The following NUMA1 variants were observed in gnomAD, a reference collection of about 807,000 sequenced individuals.
NUMA1 encodes the protein SP-H antigen.
A neutral mutation model predicts 237.1 loss-of-function variants in NUMA1; 62 were observed. The observed-to-expected ratio is 0.26, with a 90% confidence interval of 0.21 to 0.32. The LOEUF (loss-of-function observed/expected upper bound fraction) is 0.32. Among genes scored for constraint, NUMA1 ranks in the 10% least tolerant of loss-of-function variants. NUMA1 has a pLI of 1.00. For synonymous variants in NUMA1, 1,028 were observed against 1,066.1 expected, an observed-to-expected ratio of 0.96 and a Z score of 0.70; for missense variants, 2,533 against 2,666.5, an observed-to-expected ratio of 0.95 and a Z score of 1.10.
In NUMA1 at chr11:72,007,418, T is replaced by C; in HGVS notation, c.5234A>G (p.Gln1745Arg). The stretch of plus-strand genomic sequence containing the variant: ...TCCAGGGACGCTGGTGCCGTCTGGC[T>C]GGGTACGAGGCAGCTTGCTATGGAA... ...LSITSKLPRT[Q>R]PDGTSVPGEP... Residue 1745 changes from glutamine to arginine, a missense_variant, in exon 21 of 27, where the codon CAG becomes CGG. By Grantham distance (43) the Gln-to-Arg change is conservative. Around this residue, in one of 3 missense-constraint regions of NUMA1, gnomAD observed 795 missense variants for 750.8 expected, o/e 1.06. Coordinates refer to ENST00000393695, the MANE Select transcript of NUMA1 (RefSeq NM_006185.4). 2 of 1,613,640 alleles carry C rather than the reference T, an allele frequency of 1.2e-6. No individual in the cohort carries two copies. The highest frequency in any genetic ancestry group is 2.2e-5 in the South Asian group (2 of 91,078).
At chr11:72,049,583 A>AGT (rs1555034475) in intron 2 of NUMA1, 26 of 22,556 alleles carry the variant, frequency 1.2e-3, no homozygotes, top group African/African-American at 2.5e-3. Flanking sequence ...ATATATATAT[A>AGT]GTGTGTGTGT....
At chr11:72,007,133 G>A (rs1034757128) in intron 21 of NUMA1, 56 bp downstream of exon 21, 1 of 1,589,524 alleles carries the variant, frequency 6.3e-7, no homozygotes, top group Non-Finnish European at 8.5e-7. Flanking sequence ...GTGCAAAGAT[G>A]CCCTTGAGAG....
chr11:72,018,982 TGA>T lies in NUMA1; in HGVS notation c.585-4_585-3del. The stretch of plus-strand genomic sequence containing the variant: ...GAAGCTGGAGAACCTGAGAGAAAGC[TGA>T]GGAGGGAGAAGGCCCATATGCATTG... On this transcript the variant is annotated splice_region_variant and splice_polypyrimidine_tract_variant and intron_variant, in intron 9 of 26. Transcript: ENST00000393695. 1 of 1,613,636 alleles carries T rather than the reference TGA, an allele frequency of 6.2e-7. No individual in the cohort carries two copies. The highest frequency in any genetic ancestry group is 1.7e-4 in the Middle Eastern group (1 of 6,054).
chr11:72,012,206 G>C, intron 16 of NUMA1, 195 bp downstream of exon 16: 1 of 573,170 alleles, frequency 1.7e-6, no homozygotes, highest in South Asian at 2.4e-5. Context: ...GACCTGGGAT[G>C]GGTGGGATGA....
intron 17 of NUMA1, 94 bp downstream of exon 17, chr11:72,010,692 C>A: frequency 2.4e-6 from 3 of 1,269,318 alleles, no homozygotes; most frequent in Admixed American, 1.9e-5. Flanking sequence ...CAGGGTGCCC[C>A]TCTTCTGCCC....
intron 6 of NUMA1, among the ~76,000 whole-genome samples, chr11:72,022,701 C>CTA (rs1367288916): frequency 6.6e-6 from 1 of 151,642 alleles, no homozygotes; most frequent in East Asian, 1.9e-4. Flanking sequence ...TAGGTACCCT[C>CTA]TATAGGCCAG....
chr11:72,023,181 C>A (rs552650055), intron 5 of NUMA1, 34 bp from the exon 6 acceptor site: 2 of 1,490,838 alleles, frequency 1.3e-6, no homozygotes, highest in African/African-American at 1.4e-5. Flanking sequence ...ACAGGGTGAA[C>A]TTCCTGGAAA....
rs1443187757 is a variant in NUMA1, at chr11:72,013,259, T to A, written c.4244A>T (p.Lys1415Met). 3 of 1,605,114 alleles carry A rather than the reference T, an allele frequency of 1.9e-6. No homozygotes were observed. The change falls in exon 15 of 27, where the codon AAG becomes ATG. Residue 1415 changes from lysine to methionine, a missense_variant. Coordinates refer to ENST00000393695, the MANE Select transcript of NUMA1 (RefSeq NM_006185.4). The surrounding 1 kb of genome is among the most constrained non-coding windows in gnomAD (Gnocchi z 6.8). ...AGCTGTTCGCTCCTGCTCTGCCACCTTCTGCCGCAGAGGAATCAGCTCCCC... is the reference window on the plus strand; with the variant it reads ...AGCTGTTCGCTCCTGCTCTGCCACCATCTGCCGCAGAGGAATCAGCTCCCC... ...ELGELIPLRQKVAEQERTAQQ... is the reference protein window; with the variant it reads ...ELGELIPLRQMVAEQERTAQQ...
chr11:72,052,369 G>T (rs943107073), intron 2 of NUMA1, among the ~76,000 whole-genome samples: 4 of 152,158 alleles, frequency 2.6e-5, no homozygotes, highest in African/African-American at 9.7e-5. Context: ...TCACCAAAAA[G>T]TAAAAAAGCA....
rs369564859 is a variant in NUMA1, at chr11:72,014,680, A to G, written c.2823T>C (p.Pro941=). 5.0e-6 allele frequency: 8 copies of G among 1,613,344 alleles called. No homozygotes were observed. In the African/African-American group the frequency reaches 1.1e-4, roughly 22 times the overall value. ...ETASRELVKE[P]ARAGDRQPEW... ...CGGGCTGTCTGTCTCCTGCCCTCGC[A>G]GGCTCCTTGACTAACTCCCGGGAGG... is the stretch of plus-strand genomic sequence containing the variant. Residue 941 remains proline (P), a synonymous_variant, in exon 15 of 27, where the codon CCT becomes CCC. Coordinates refer to ENST00000393695, the MANE Select transcript of NUMA1 (RefSeq NM_006185.4). The surrounding 1 kb of genome is among the most constrained non-coding windows in gnomAD (Gnocchi z 4.6).
intron 2 of NUMA1, among the ~76,000 whole-genome samples, chr11:72,060,594 C>T (rs1340850669): frequency 6.6e-6 from 1 of 151,778 alleles, no homozygotes; most frequent in Non-Finnish European, 1.5e-5. Context: ...GGTGAACTGC[C>T]ATTGTGCCAC....
intron 3 of NUMA1, among the ~76,000 whole-genome samples, chr11:72,031,820 AT>A (rs1294408884): frequency 6.6e-6 from 1 of 151,806 alleles, no homozygotes; most frequent in East Asian, 1.9e-4. Flanking sequence ...TCTCAAAAAA[AT>A]AAATAAATAA....
chr11:72,075,976 GT>G (rs1223344283), intron 1 of NUMA1, among the ~76,000 whole-genome samples: 1 of 152,178 alleles, frequency 6.6e-6, no homozygotes, highest in East Asian at 1.9e-4. Flanking sequence ...AGATTCTTAA[GT>G]TTATACTCAG....
At chr11:72,030,164 G>A (rs1411886331) in intron 3 of NUMA1, among the ~76,000 whole-genome samples, 1 of 151,818 alleles carries the variant, frequency 6.6e-6, no homozygotes, top group African/African-American at 2.4e-5. Context: ...GTGAAACCCT[G>A]TCCTACAAAA....
At chr11:72,050,129 G>C (rs1942258169) in intron 2 of NUMA1, among the ~76,000 whole-genome samples, 1 of 152,302 alleles carries the variant, frequency 6.6e-6, no homozygotes. Flanking sequence ...AATGAAAGGT[G>C]ATTGGAGCCA....
chr11:72,012,058 A>T (rs1308993321), intron 16 of NUMA1, among the ~76,000 whole-genome samples: 2 of 152,240 alleles, frequency 1.3e-5, no homozygotes, highest in African/African-American at 4.8e-5. Context: ...GGGTATCCTT[A>T]ACTAGACACA....
chr11:72,012,930 G>A lies in NUMA1; in HGVS notation c.4573C>T (p.Arg1525Trp), dbSNP rs772445688. 24 of 1,613,952 alleles carry A rather than the reference G, an allele frequency of 1.5e-5. No individual in the cohort carries two copies. The highest frequency in any genetic ancestry group is 1.3e-4 in the African/African-American group (10 of 74,906). Residue 1525 changes from arginine (R) to tryptophan (W), a missense_variant, in exon 15 of 27, where the codon CGG (arginine) becomes TGG (tryptophan). By Grantham distance (101) the Arg-to-Trp change is moderately radical (BLOSUM62 -3). Around this residue, in one of 3 missense-constraint regions of NUMA1, gnomAD observed 324 missense variants for 407.6 expected, o/e 0.79. Transcript: ENST00000393695. ...AKVKVLEERQ[R>W]FQEERQKLTA... ...AGTTTCTGCCTCTCTTCCTGGAACCGCTGCCTCTCCTCCAGGACCTTGACC... is the reference window on the plus strand; with the variant it reads ...AGTTTCTGCCTCTCTTCCTGGAACCACTGCCTCTCCTCCAGGACCTTGACC...
intron 1 of NUMA1, among the ~76,000 whole-genome samples, chr11:72,074,719 A>G (rs1259609102): frequency 1.3e-5 from 2 of 152,182 alleles, no homozygotes; most frequent in Non-Finnish European, 2.9e-5. Context: ...AGCCAGAGTG[A>G]CAGAGCAAGA....
chr11:72,019,753 G>A, intron 8 of NUMA1, 136 bp from the exon 9 acceptor site: 1 of 949,110 alleles, frequency 1.1e-6, no homozygotes, highest in Non-Finnish European at 1.5e-6. Context: ...TACCAAGGAA[G>A]GCACTGGGCA....
Sources: gnomAD v4.1 joint callset for allele counts (sites outside exome capture counted in the v4.1 genomes callset) on GRCh38, gnomAD v4.1.1 for gene constraint, gnomAD v4.1.1 regional missense constraint, Gnocchi (gnomAD v3.1) non-coding constraint, MANE v1.5 for transcripts, NCBI Gene and HGNC (gene_info 2026-07-23, HGNC 2026-07-21) for gene names.